Variants in SUGCT observed in about 807,000 individuals in gnomAD.
SUGCT encodes the protein succinyl-CoA:glutarate CoA-transferase.
In SUGCT, 41 loss-of-function variants were observed where a neutral mutation model predicts 55.0. The ratio of observed to expected loss-of-function variants is 0.74; its 90% CI spans 0.58 to 0.97. The LOEUF is 0.97. Ranked by LOEUF, SUGCT falls within the 50% of genes least tolerant of loss-of-function variation. The probability of loss-of-function intolerance (pLI) is 0.00; values close to 1 mark genes in which losing one functional copy is unlikely to be tolerated. For missense variants in SUGCT, 568 were observed against 547.8 expected (o/e 1.04, Z -0.37); for synonymous variants, 187 against 200.4 (o/e 0.93, Z 0.56).
chr7:40,941,225 A>T, the SUGCT span, among the ~76,000 whole-genome samples: 35 of 152,060 alleles, frequency 2.3e-4, 1 homozygote, highest in Admixed American at 2.3e-3. Flanking sequence ...TCATGCTGTA[A>T]ACATTCCTTT....
At chr7:40,404,926 A>T (rs1225233136) in intron 9 of SUGCT, among the ~76,000 whole-genome samples, 13 of 152,196 alleles carry the variant, frequency 8.5e-5, no homozygotes, top group Admixed American at 8.5e-4. Context: ...AGTGGTTTCT[A>T]TTCCTAATTC....
chr7:40,184,863 C>T (rs533897518), intron 3 of SUGCT, among the ~76,000 whole-genome samples: 2 of 151,980 alleles, frequency 1.3e-5, no homozygotes, highest in South Asian at 4.1e-4. Flanking sequence ...TGTTTGTTTC[C>T]TTCTTTTTTA....
At chr7:40,686,242 A>C (rs1317487906) in intron 12 of SUGCT, among the ~76,000 whole-genome samples, 3 of 152,106 alleles carry the variant, frequency 2.0e-5, no homozygotes, top group Non-Finnish European at 4.4e-5. Flanking sequence ...CTGGATAAAA[A>C]CCAAAAGACT....
intron 9 of SUGCT, among the ~76,000 whole-genome samples, chr7:40,357,789 GA>G (rs1353734674): frequency 1.6e-5 from 2 of 123,962 alleles, no homozygotes; most frequent in Non-Finnish European, 3.5e-5. Context: ...ATCTTCTTTT[GA>G]TTTTTTTAAC....
intron 12 of SUGCT, among the ~76,000 whole-genome samples, chr7:40,724,160 T>G (rs908666770): frequency 8.5e-5 from 13 of 152,230 alleles, no homozygotes; most frequent in Admixed American, 7.2e-4. Context: ...GCCTATACTG[T>G]TCCCTTAATC....
At chr7:40,211,544 G>A (rs191532204) in intron 6 of SUGCT, among the ~76,000 whole-genome samples, 4 of 152,232 alleles carry the variant, frequency 2.6e-5, no homozygotes, top group Non-Finnish European at 5.9e-5. Flanking sequence ...CATACACGAG[G>A]CATGGAGATT....
chr7:40,416,034 C>G (rs1218774319), intron 9 of SUGCT, among the ~76,000 whole-genome samples: 3 of 152,116 alleles, frequency 2.0e-5, no homozygotes, highest in South Asian at 2.1e-4. Flanking sequence ...TACTTTGAAG[C>G]ATATACTTTT....
chr7:40,462,772 G>T (rs1367861395), intron 11 of SUGCT, among the ~76,000 whole-genome samples: 1 of 152,080 alleles, frequency 6.6e-6, no homozygotes, highest in East Asian at 1.9e-4. Context: ...TTTTCATTTG[G>T]TAACCATTGC....
intron 9 of SUGCT, among the ~76,000 whole-genome samples, chr7:40,375,561 G>A (rs1420442616): frequency 6.6e-6 from 1 of 152,136 alleles, no homozygotes; most frequent in African/African-American, 2.4e-5. Flanking sequence ...CAGTGGAACT[G>A]ATTCTTTCTT....
chr7:40,876,122 T>A, the SUGCT span, among the ~76,000 whole-genome samples: 3 of 152,262 alleles, frequency 2.0e-5, no homozygotes, highest in Non-Finnish European at 4.4e-5. Context: ...CTTATTGTTT[T>A]GGCCACTTTG....
chr7:40,582,798 G>T (rs1251627146), intron 12 of SUGCT, among the ~76,000 whole-genome samples: 1 of 152,128 alleles, frequency 6.6e-6, no homozygotes, highest in Non-Finnish European at 1.5e-5. Context: ...TTAACTCCAT[G>T]GCCGTCACAG....
Position 40,854,868 on chromosome 7 carries a change from C to T in SUGCT, c.1154-5448C>T, listed in dbSNP as rs570041272. ...ACAAGATCCCGTGAGCCCAGGAGCT[C>T]GAGGCCGCAGTGAGCTATGATAGTG... On this transcript the variant is annotated intron_variant, in intron 13 of 13. Transcript: ENST00000335693. 1.3e-4 allele frequency among the ~76,000 whole-genome samples: 20 copies of T among 151,944 alleles called. No homozygotes were observed. The South Asian group carries it at 3.1e-3, about 24-fold the overall frequency.
At chr7:40,451,077 C>T (rs984367) in intron 10 of SUGCT, among the ~76,000 whole-genome samples, 7 of 151,454 alleles carry the variant, frequency 4.6e-5, no homozygotes, top group South Asian at 4.2e-4. Context: ...TTATTATGAA[C>T]GGTCAATGTT....
intron 1 of SUGCT, among the ~76,000 whole-genome samples, chr7:40,138,449 A>G (rs1787809603): frequency 1.3e-5 from 2 of 152,206 alleles, no homozygotes; most frequent in Non-Finnish European, 2.9e-5. Flanking sequence ...TAGTGCCGTG[A>G]TAAACATATG....
intron 6 of SUGCT, among the ~76,000 whole-genome samples, chr7:40,225,997 G>A (rs945031050): frequency 6.6e-6 from 1 of 152,120 alleles, no homozygotes; most frequent in Admixed American, 6.6e-5. Flanking sequence ...GAAGTACTCT[G>A]TACATGTTGA....
intron 10 of SUGCT, 22 bp from the exon 11 acceptor site, chr7:40,459,079 G>T: frequency 6.5e-7 from 1 of 1,543,446 alleles, no homozygotes; most frequent in South Asian, 1.1e-5. Flanking sequence ...TCTTATACTG[G>T]AAAATTATTT....
chr7:40,366,677 C>G (rs1169080990), intron 9 of SUGCT, among the ~76,000 whole-genome samples: 7 of 152,168 alleles, frequency 4.6e-5, no homozygotes, highest in Non-Finnish European at 1.0e-4. Context: ...CTCATCATCA[C>G]TGGCCATCAG....
chr7:40,875,192 C>T, the SUGCT span, among the ~76,000 whole-genome samples: 3 of 152,208 alleles, frequency 2.0e-5, no homozygotes, highest in African/African-American at 7.2e-5. Flanking sequence ...CTGCTTAGCA[C>T]CTGGCACAGC....
chr7:40,259,063 CAGA>C (rs1251585299), intron 7 of SUGCT, among the ~76,000 whole-genome samples: 1 of 152,080 alleles, frequency 6.6e-6, no homozygotes, highest in Admixed American at 6.5e-5. Flanking sequence ...AAGCCAGGCA[CAGA>C]AGATGAACAC....
Sources: gnomAD v4.1 joint callset for allele counts (sites outside exome capture counted in the v4.1 genomes callset) on GRCh38, gnomAD v4.1.1 for gene constraint, MANE v1.5 for transcripts, NCBI Gene and HGNC (gene_info 2026-07-23, HGNC 2026-07-21) for gene names.